Variants in ACOT7 observed in about 807,000 individuals in gnomAD.
The protein encoded by ACOT7 is cytosolic acyl coenzyme A thioester hydrolase.
ACOT7 carries 12 observed loss-of-function variants against 40.2 expected under a neutral mutation model. The observed-to-expected ratio is 0.30, with a 90% confidence interval of 0.19 to 0.48. The LOEUF is 0.48. Ranked by LOEUF, ACOT7 falls within the 20% of genes least tolerant of loss-of-function variation. The pLI is 0.99. For synonymous variants in ACOT7, 228 were observed against 219.5 expected (o/e 1.04, Z -0.34); for missense variants, 395 against 530.8 (o/e 0.74, Z 2.51).
intron 1 of ACOT7, among the ~76,000 whole-genome samples, chr1:6,351,651 G>A (rs537576760): frequency 6.6e-6 from 1 of 152,356 alleles, no homozygotes; most frequent in South Asian, 2.1e-4. Flanking sequence ...TTCTAGAGCA[G>A]TGAGGAAACA....
chr1:6,339,464 C>T lies in ACOT7; in HGVS notation c.387G>A (p.Gln129=). 6.2e-7 allele frequency: 1 copy of T among 1,613,734 alleles called. No homozygotes were observed. The highest frequency in any genetic ancestry group is 8.5e-7 in the Non-Finnish European group (1 of 1,180,036). Residue 129 remains glutamine (Q), a synonymous_variant, in exon 3 of 9, where the codon CAG becomes CAA. Coordinates refer to ENST00000361521, the MANE Select transcript of ACOT7 (RefSeq NM_007274.4). ...TYTSKHSVEV[Q]VNVMSENILT... ...GGATGTTTTCGGACATCACGTTGAC[C>T]TGCACCTCCACAGAGTGCTTGGAGG...
chr1:6,341,637 G>A (rs960710733), intron 2 of ACOT7, among the ~76,000 whole-genome samples: 4 of 152,194 alleles, frequency 2.6e-5, no homozygotes, highest in Non-Finnish European at 4.4e-5. Context: ...AGTTACTCGG[G>A]AGGCTGAGGC....
intron 8 of ACOT7, among the ~76,000 whole-genome samples, chr1:6,265,252 A>G (rs528714047): frequency 7.3e-6 from 1 of 136,718 alleles, no homozygotes; most frequent in Admixed American, 6.9e-5. Flanking sequence ...TCACTGCCCC[A>G]GAGAGACGTG....
chr1:6,328,636 T>G lies in ACOT7; in HGVS notation c.511-1223A>C, dbSNP rs549708257. On this transcript the variant is annotated intron_variant, in intron 4 of 8. Coordinates refer to ENST00000361521, the MANE Select transcript of ACOT7 (RefSeq NM_007274.4). ...GATGGAGGTTGCAGTGAGCCGAGATTGCGCCACTGCACTCCAGCCTGGGCG... is the reference window on the plus strand; with the variant it reads ...GATGGAGGTTGCAGTGAGCCGAGATGGCGCCACTGCACTCCAGCCTGGGCG... Among the ~76,000 whole-genome samples the G allele has an allele frequency of 2.0e-5, 3 of 152,178 alleles. No homozygotes were observed. In the South Asian group the frequency reaches 6.2e-4, roughly 32 times the overall value.
At chr1:6,290,835 C>T (rs908047737) in intron 7 of ACOT7, among the ~76,000 whole-genome samples, 5 of 152,230 alleles carry the variant, frequency 3.3e-5, no homozygotes, top group Admixed American at 6.5e-5. Context: ...AGTGAGGCTG[C>T]TCTCTGAAGT....
intron 6 of ACOT7, among the ~76,000 whole-genome samples, chr1:6,313,725 G>A (rs1025032573): frequency 5.3e-5 from 8 of 152,160 alleles, no homozygotes; most frequent in African/African-American, 1.2e-4. Flanking sequence ...CCAGGCTGGC[G>A]GAGCCACAGG....
rs961132333 is a variant in ACOT7 at position 6,298,221 on chromosome 1, G to A, written c.713-3241C>T. ...GCAACCTTGGCTCACTGCAACCTCT[G>A]CCTCCCGGGTTCAAGCGATTCTCCT... On this transcript the variant is annotated intron_variant, in intron 6 of 8. Coordinates refer to ENST00000361521, the MANE Select transcript of ACOT7 (RefSeq NM_007274.4). Among the ~76,000 whole-genome samples, 9 of 152,238 alleles carry A rather than the reference G, an allele frequency of 5.9e-5. No homozygotes were observed. In the South Asian group the frequency reaches 6.2e-4, roughly 11 times the overall value.
At chr1:6,268,506 A>G (rs912236189) in intron 8 of ACOT7, among the ~76,000 whole-genome samples, 8 of 152,164 alleles carry the variant, frequency 5.3e-5, no homozygotes, top group Non-Finnish European at 1.0e-4. Flanking sequence ...AGAGACGGGG[A>G]CTTGGCTTTA....
chr1:6,390,968 C>G (rs1642523761), intron 1 of ACOT7, among the ~76,000 whole-genome samples: 1 of 151,576 alleles, frequency 6.6e-6, no homozygotes. Flanking sequence ...AAAGCACACA[C>G]TTACTGTATG....
chr1:6,375,621 T>C (rs370380079), intron 1 of ACOT7, among the ~76,000 whole-genome samples: 10 of 151,400 alleles, frequency 6.6e-5, no homozygotes, highest in African/African-American at 2.2e-4. Flanking sequence ...TTGGGCAACA[T>C]AGGGAGACCC....
At chr1:6,366,659 C>CTT (rs1318598183) in intron 1 of ACOT7, among the ~76,000 whole-genome samples, 1 of 142,730 alleles carries the variant, frequency 7.0e-6, no homozygotes, top group Non-Finnish European at 1.5e-5. Context: ...GTAGAACTTA[C>CTT]TTTTTTTTTT....
At chr1:6,386,288 A>G (rs1406582017) in intron 1 of ACOT7, among the ~76,000 whole-genome samples, 1 of 152,120 alleles carries the variant, frequency 6.6e-6, no homozygotes, top group Non-Finnish European at 1.5e-5. Flanking sequence ...CCGCCCCTGG[A>G]GTTAGAGGCA....
chr1:6,336,040 C>A (rs944318164), intron 3 of ACOT7, among the ~76,000 whole-genome samples: 1 of 152,100 alleles, frequency 6.6e-6, no homozygotes, highest in Non-Finnish European at 1.5e-5. Context: ...CAAAAGACAA[C>A]GGCAGTATTA....
chr1:6,378,204 A>G (rs1036686395), intron 1 of ACOT7, among the ~76,000 whole-genome samples: 2 of 147,250 alleles, frequency 1.4e-5, no homozygotes, highest in African/African-American at 4.9e-5. Flanking sequence ...GGCTCAAGGT[A>G]AGACTGGAAC....
rs1641185326 is a variant in ACOT7 at position 6,338,950 on chromosome 1, A to G, written c.418+483T>C. Among the ~76,000 whole-genome samples the G allele has an allele frequency of 1.3e-5, 2 of 152,204 alleles. No homozygotes were observed. The highest frequency in any genetic ancestry group is 2.9e-5 in the Non-Finnish European group (2 of 68,032). On this transcript the variant is annotated intron_variant, in intron 3 of 8. Coordinates refer to ENST00000361521, the MANE Select transcript of ACOT7 (RefSeq NM_007274.4). The surrounding 1 kb of genome is among the most constrained non-coding windows in gnomAD (Gnocchi z 4.4). The stretch of plus-strand genomic sequence containing the variant: ...AGGAGGAGAATATTCAGATGAAAGC[A>G]GAGGCAAAGGTTCACCCAGTGAGCT...
At chr1:6,365,739 G>C (rs1451134785) in intron 1 of ACOT7, among the ~76,000 whole-genome samples, 1 of 145,840 alleles carries the variant, frequency 6.9e-6, no homozygotes, top group Non-Finnish European at 1.5e-5. Context: ...CTGCACTCCA[G>C]CCTGGGCAAC....
rs1639910846 is a variant in ACOT7 at position 6,299,645 on chromosome 1, AG to A, written c.713-4666del. On this transcript the variant is annotated intron_variant, in intron 6 of 8. Coordinates refer to ENST00000361521, the MANE Select transcript of ACOT7 (RefSeq NM_007274.4). This position sits in a 1 kb window ranked among gnomAD's most constrained non-coding sequence, Gnocchi z 4.1. ...TAGGTACTAGGTCATGGCTTCAGAGAGAGAGAGAGAGAGAGCGCAAGTGTGT... is the reference window on the plus strand; with the variant it reads ...TAGGTACTAGGTCATGGCTTCAGAGAAGAGAGAGAGAGAGCGCAAGTGTGT... 6.8e-6 allele frequency among the ~76,000 whole-genome samples: 1 copy of A among 147,784 alleles called. No homozygotes were observed. Among genetic ancestry groups the A allele is most frequent in the African/African-American group, 2.6e-5 (1 of 38,778 alleles).
intron 5 of ACOT7, among the ~76,000 whole-genome samples, chr1:6,326,255 G>A (rs1331563647): frequency 1.3e-5 from 2 of 152,202 alleles, no homozygotes; most frequent in East Asian, 3.9e-4. Context: ...GGTAATGCTC[G>A]TTGCCTGCCC....
chr1:6,283,638 C>T (rs968341674), intron 7 of ACOT7, among the ~76,000 whole-genome samples: 5 of 152,266 alleles, frequency 3.3e-5, no homozygotes, highest in South Asian at 2.1e-4. Flanking sequence ...AAGCATTAGA[C>T]GTAACAACAA....
Sources: allele counts gnomAD v4.1 joint callset (sites outside exome capture counted in the v4.1 genomes callset), GRCh38; gene constraint gnomAD v4.1.1; non-coding constraint Gnocchi (gnomAD v3.1); transcripts MANE v1.5; gene names NCBI Gene and HGNC (gene_info 2026-07-23, HGNC 2026-07-21).